The following ANTXR2 variants were observed in gnomAD, a reference collection of about 807,000 sequenced individuals.
ANTXR2 encodes the protein ANTXR cell adhesion molecule 2, also known as anthrax toxin receptor 2.
In ANTXR2, 44 loss-of-function variants were observed where a neutral mutation model predicts 73.7. That is an observed-to-expected ratio of 0.60 (90% CI 0.47 to 0.77). The LOEUF is 0.77. Ranked by LOEUF, ANTXR2 falls within the 30% of genes least tolerant of loss-of-function variation. The probability of loss-of-function intolerance (pLI) is 0.00; values close to 1 mark genes in which losing one functional copy is unlikely to be tolerated. For missense variants in ANTXR2, 604 were observed against 592.5 expected, an observed-to-expected ratio of 1.02 and a Z score of -0.20; for synonymous variants, 217 against 205.9, an observed-to-expected ratio of 1.05 and a Z score of -0.46.
At chr4:80,022,708 T>A (rs183468300) in intron 10 of ANTXR2, among the ~76,000 whole-genome samples, 4 of 152,294 alleles carry the variant, frequency 2.6e-5, no homozygotes, top group Admixed American at 1.3e-4. Flanking sequence ...TGGGCAAAAA[T>A]GTATTAAAAC....
At chr4:80,059,192 T>TTA (rs1734132529) in intron 3 of ANTXR2, among the ~76,000 whole-genome samples, 4 of 152,066 alleles carry the variant, frequency 2.6e-5, no homozygotes, top group African/African-American at 9.7e-5. Context: ...AATACTTTTT[T>TTA]GAAAGAGACA....
intron 16 of ANTXR2, among the ~76,000 whole-genome samples, chr4:79,973,867 T>A (rs572133522): frequency 6.6e-6 from 1 of 152,184 alleles, no homozygotes; most frequent in African/African-American, 2.4e-5. Context: ...AGATTTCACA[T>A]AAAACCTCAG....
intron 11 of ANTXR2, among the ~76,000 whole-genome samples, chr4:80,014,721 T>A (rs977936190): frequency 6.6e-6 from 1 of 152,194 alleles, no homozygotes; most frequent in Non-Finnish European, 1.5e-5. Context: ...TCCTTTGAGA[T>A]GTAATCATCA....
intron 12 of ANTXR2, among the ~76,000 whole-genome samples, chr4:79,997,672 C>T (rs564934981): frequency 2.0e-4 from 31 of 152,056 alleles, no homozygotes; most frequent in African/African-American, 7.5e-4. Context: ...CATCAATGAT[C>T]AAATAATTCT....
intron 16 of ANTXR2, among the ~76,000 whole-genome samples, chr4:79,923,847 G>T (rs151164911): frequency 0.015 from 2,355 of 152,156 alleles, 34 homozygotes; most frequent in Non-Finnish European, 0.023. Flanking sequence ...GAGCACATGC[G>T]CTGTCTCTAT....
intron 16 of ANTXR2, among the ~76,000 whole-genome samples, chr4:79,926,319 T>C (rs982802174): frequency 1.3e-5 from 2 of 152,086 alleles, no homozygotes; most frequent in African/African-American, 4.8e-5. Context: ...TGTTATACCA[T>C]GTTATTGATG....
At chr4:80,014,243 C>T (rs1731731317) in intron 11 of ANTXR2, among the ~76,000 whole-genome samples, 1 of 152,056 alleles carries the variant, frequency 6.6e-6, no homozygotes, top group Non-Finnish European at 1.5e-5. Flanking sequence ...AACTGTGGGT[C>T]TTGGATCTCC....
intron 12 of ANTXR2, among the ~76,000 whole-genome samples, chr4:80,001,770 T>C (rs1386803559): frequency 1.3e-5 from 2 of 151,650 alleles, no homozygotes; most frequent in Non-Finnish European, 2.9e-5. Context: ...TAGTTAGCTC[T>C]TCCTGTTGAA....
chr4:80,065,175 T>C (rs1734438582), intron 3 of ANTXR2, among the ~76,000 whole-genome samples: 1 of 152,206 alleles, frequency 6.6e-6, no homozygotes, highest in Admixed American at 6.5e-5. Flanking sequence ...TGTTACAGTA[T>C]TAGCATAATA....
chr4:80,000,233 A>C (rs922626687), intron 12 of ANTXR2, among the ~76,000 whole-genome samples: 1 of 152,058 alleles, frequency 6.6e-6, no homozygotes, highest in African/African-American at 2.4e-5. Flanking sequence ...ATGATTACAA[A>C]GGCCACATTT....
In ANTXR2 at chr4:79,903,859, TA is replaced by T; in HGVS notation, c.*3569del. ...ATGATGCATATATTTCTTTCCTGTG[TA>T]CATATACCCACCAAACTTTTCCAGT... On this transcript the variant is annotated 3_prime_UTR_variant, in exon 17 of 17. Coordinates refer to ENST00000403729, the MANE Select transcript of ANTXR2 (RefSeq NM_058172.6). 6.6e-6 allele frequency: 1 copy of T among 152,162 alleles called. No individual in the cohort carries two copies. The allele number at this position is 152,162 out of a possible 1,614,324, so 9.4% of individuals were successfully genotyped here. A position where few individuals can be genotyped will look rare whatever the true frequency, so the allele number is the denominator to read the frequency against.
chr4:80,047,129 AAACT>A (rs1337831977), intron 7 of ANTXR2, among the ~76,000 whole-genome samples: 1 of 151,778 alleles, frequency 6.6e-6, no homozygotes, highest in Non-Finnish European at 1.5e-5. Flanking sequence ...GTTTTCTCAC[AAACT>A]ATCACAAAGC....
chr4:80,015,799 A>G (rs1423819683), intron 11 of ANTXR2, among the ~76,000 whole-genome samples: 1 of 149,514 alleles, frequency 6.7e-6, no homozygotes, highest in Non-Finnish European at 1.5e-5. Flanking sequence ...GGGAGAGAAG[A>G]AAGAAGGAAG....
At chr4:80,027,923 T>A (rs1732514789) in intron 10 of ANTXR2, among the ~76,000 whole-genome samples, 1 of 152,108 alleles carries the variant, frequency 6.6e-6, no homozygotes, top group African/African-American at 2.4e-5. Flanking sequence ...CCAAAGAACA[T>A]CAGAGAATGC....
At chr4:80,067,278 C>A (rs933318529) in intron 3 of ANTXR2, among the ~76,000 whole-genome samples, 3 of 151,956 alleles carry the variant, frequency 2.0e-5, no homozygotes, top group African/African-American at 7.3e-5. Context: ...TAGATTCAAC[C>A]AATGATGAAA....
At chr4:79,926,979 G>A (rs62297559) in intron 16 of ANTXR2, among the ~76,000 whole-genome samples, 668 of 43,594 alleles carry the variant, frequency 0.015, 13 homozygotes, top group East Asian at 0.032. Context: ...GTATATATAC[G>A]TGTGCATATA....
At chr4:79,907,835 T>A (rs545293525) in intron 16 of ANTXR2, among the ~76,000 whole-genome samples, 1 of 152,318 alleles carries the variant, frequency 6.6e-6, no homozygotes, top group South Asian at 2.1e-4. Context: ...TGCAAGCTGA[T>A]GCTCCTAAAA....
chr4:79,918,048 A>G (rs1451462569), intron 16 of ANTXR2, among the ~76,000 whole-genome samples: 1 of 152,118 alleles, frequency 6.6e-6, no homozygotes, highest in Non-Finnish European at 1.5e-5. Flanking sequence ...TACCAAAACT[A>G]AAGAGAAAAT....
At chr4:79,947,664 T>C (rs1728566068) in intron 16 of ANTXR2, among the ~76,000 whole-genome samples, 1 of 152,084 alleles carries the variant, frequency 6.6e-6, no homozygotes, top group Admixed American at 6.6e-5. Context: ...CTCTTGCCTT[T>C]CCCCTCACTA....
Sources: gnomAD v4.1 joint callset for allele counts (sites outside exome capture counted in the v4.1 genomes callset) on GRCh38, gnomAD v4.1.1 for gene constraint, MANE v1.5 for transcripts, NCBI Gene and HGNC (gene_info 2026-07-23, HGNC 2026-07-21) for gene names.